Variants in LRRC69 observed in about 807,000 individuals in gnomAD.
The protein encoded by LRRC69 is leucine rich repeat containing 69.
In LRRC69, 42 loss-of-function variants were observed where a neutral mutation model predicts 37.8. The ratio of observed to expected loss-of-function variants is 1.11; its 90% CI spans 0.87 to 1.44. LRRC69 has a LOEUF of 1.44. Ranked by LOEUF, LRRC69 falls within the 40% of genes most tolerant of loss-of-function variation. The probability of loss-of-function intolerance (pLI) is 0.00; values close to 1 mark genes in which losing one functional copy is unlikely to be tolerated. For synonymous variants in LRRC69, 141 were observed against 143.1 expected (o/e 0.99, Z 0.11); for missense variants, 357 against 401.9 (o/e 0.89, Z 0.96).
intron 5 of LRRC69, 138 bp downstream of exon 5, chr8:91,135,877 A>G (rs1166535739): frequency 2.1e-6 from 1 of 479,488 alleles, no homozygotes; most frequent in Admixed American, 4.5e-5. Flanking sequence ...ATTTGCTTTT[A>G]GAATTTCAAA....
At chr8:91,108,397 A>G (rs1813356003) in intron 1 of LRRC69, among the ~76,000 whole-genome samples, 1 of 152,026 alleles carries the variant, frequency 6.6e-6, no homozygotes, top group South Asian at 2.1e-4. Flanking sequence ...ATATGTCCCT[A>G]ATAGGTTTAG....
chr8:91,115,690 C>T (rs1036898560), intron 1 of LRRC69, among the ~76,000 whole-genome samples: 2 of 151,824 alleles, frequency 1.3e-5, no homozygotes, highest in African/African-American at 4.8e-5. Flanking sequence ...TCAGATATCT[C>T]CCTTTTTGCA....
At chr8:91,133,272 G>A in exon 4 of LRRC69, 1 of 1,516,288 alleles carries the variant, frequency 6.6e-7, no homozygotes, top group Non-Finnish European at 8.8e-7. Flanking sequence ...AGAAGCTTTT[G>A]CTAGCCAGAA....
At chr8:91,206,607 A>G in intron 7 of LRRC69, 1 of 1,144,016 alleles carries the variant, frequency 8.7e-7, no homozygotes, top group South Asian at 1.4e-5. Flanking sequence ...ACCTTAGACA[A>G]GTTGCCATGT....
chr8:91,208,207 C>A (rs1441392972), intron 7 of LRRC69, among the ~76,000 whole-genome samples: 1 of 152,134 alleles, frequency 6.6e-6, no homozygotes, highest in Non-Finnish European at 1.5e-5. Context: ...CACAGTTTAG[C>A]CCGTAACAGC....
At chr8:91,181,987 TAA>T (rs1809333140) in intron 5 of LRRC69, among the ~76,000 whole-genome samples, 2 of 152,118 alleles carry the variant, frequency 1.3e-5, no homozygotes, top group African/African-American at 4.8e-5. Flanking sequence ...TATGGAAAAA[TAA>T]AAGACTATCA....
chr8:91,157,177 A>G (rs1344839504), intron 5 of LRRC69: 1 of 788,396 alleles, frequency 1.3e-6, no homozygotes, highest in African/African-American at 1.7e-5. Flanking sequence ...TTTGATAGGG[A>G]TTGCTTCGAA....
intron 4 of LRRC69, 126 bp downstream of exon 4, chr8:91,133,431 T>C (rs576305419): frequency 6.4e-6 from 4 of 626,258 alleles, no homozygotes; most frequent in Admixed American, 8.0e-5. Context: ...AGATTAAATG[T>C]AGTCAGTTCC....
intron 3 of LRRC69, among the ~76,000 whole-genome samples, chr8:91,128,356 T>C (rs1264630206): frequency 6.6e-6 from 1 of 152,092 alleles, no homozygotes; most frequent in African/African-American, 2.4e-5. Context: ...AATTACAGTA[T>C]TCAAGGAATC....
chr8:91,193,832 C>T (rs1383343954), intron 6 of LRRC69, among the ~76,000 whole-genome samples: 1 of 135,004 alleles, frequency 7.4e-6, no homozygotes, highest in African/African-American at 2.8e-5. Flanking sequence ...TAATTGAATA[C>T]CCTTTATTTC....
At chr8:91,217,051 C>T (rs1328852250) in intron 7 of LRRC69, among the ~76,000 whole-genome samples, 1 of 152,058 alleles carries the variant, frequency 6.6e-6, no homozygotes, top group Admixed American at 6.6e-5. Context: ...ATGGTGTCTC[C>T]TGTCTCTGCA....
In LRRC69 at chr8:91,152,948, C is replaced by G. The variant is rs1586250133; in HGVS notation, c.651+17209C>G. On this transcript the variant is annotated intron_variant, in intron 5 of 7. Transcript: ENST00000448384. ...CAGACTGACAAATTGGATAAAGTGTCAAGACCCATCAGTGTGCTGTATTCA... is the reference window on the plus strand; with the variant it reads ...CAGACTGACAAATTGGATAAAGTGTGAAGACCCATCAGTGTGCTGTATTCA... Among the ~76,000 whole-genome samples the G allele has an allele frequency of 2.6e-5, 4 of 151,224 alleles. No individual in the cohort carries two copies. In the South Asian group the frequency reaches 8.3e-4, roughly 31 times the overall value.
At chr8:91,103,242 C>T (rs1314772985) in intron 1 of LRRC69, among the ~76,000 whole-genome samples, 4 of 152,096 alleles carry the variant, frequency 2.6e-5, no homozygotes, top group Non-Finnish European at 4.4e-5. Flanking sequence ...GAAGCTTTTG[C>T]ATTTAGAATG....
chr8:91,149,144 A>G (rs1789141962), intron 5 of LRRC69, among the ~76,000 whole-genome samples: 1 of 151,960 alleles, frequency 6.6e-6, no homozygotes, highest in African/African-American at 2.4e-5. Context: ...TGTTTTAGAC[A>G]TGGAGTCCTT....
chr8:91,121,109 A>AT (rs1317028823), intron 1 of LRRC69, among the ~76,000 whole-genome samples: 1 of 151,826 alleles, frequency 6.6e-6, no homozygotes, highest in Non-Finnish European at 1.5e-5. Context: ...CTGGCTCTTC[A>AT]TCCAAAGCAT....
At chr8:91,135,585 G>A in intron 4 of LRRC69, 83 bp from the exon 5 acceptor site, 1 of 853,876 alleles carries the variant, frequency 1.2e-6, no homozygotes, top group South Asian at 1.8e-5. Context: ...TCATCATGTT[G>A]GAGCTTTAAA....
chr8:91,159,823 C>G (rs1054767778), intron 5 of LRRC69, among the ~76,000 whole-genome samples: 3 of 151,086 alleles, frequency 2.0e-5, no homozygotes, highest in Non-Finnish European at 4.4e-5. Context: ...AGATAAAATT[C>G]TGGACCAGTT....
At chr8:91,191,040 A>ACCC (rs1563619102) in intron 6 of LRRC69, among the ~76,000 whole-genome samples, 1 of 80,448 alleles carries the variant, frequency 1.2e-5, no homozygotes, top group Non-Finnish European at 2.7e-5. Flanking sequence ...TCCTGTCTCA[A>ACCC]ACCCCCCCCC....
chr8:91,158,718 A>T, intron 5 of LRRC69: 1 of 1,083,928 alleles, frequency 9.2e-7, no homozygotes, highest in Non-Finnish European at 1.4e-6. Context: ...AACCACTTAC[A>T]TTGTTCTACA....
Sources: gnomAD v4.1 joint callset for allele counts (sites outside exome capture counted in the v4.1 genomes callset) on GRCh38, gnomAD v4.1.1 for gene constraint, MANE v1.5 for transcripts, NCBI Gene and HGNC (gene_info 2026-07-23, HGNC 2026-07-21) for gene names.